Variants in DTNA observed in about 807,000 individuals in gnomAD.
DTNA encodes dystrobrevin alpha.
A neutral mutation model predicts 100.7 loss-of-function variants in DTNA; 43 were observed. The ratio of observed to expected loss-of-function variants is 0.43; its 90% CI spans 0.33 to 0.55. The LOEUF (loss-of-function observed/expected upper bound fraction) is 0.55. Ranked by LOEUF, DTNA falls within the 20% of genes least tolerant of loss-of-function variation. The pLI is 0.04. For synonymous variants in DTNA, 349 were observed against 347.9 expected (o/e 1.00, Z -0.04); for missense variants, 798 against 953.9 (o/e 0.84, Z 2.15).
At chr18:34,587,868 C>T (rs912195088) in intron 1 of DTNA, among the ~76,000 whole-genome samples, 4 of 152,090 alleles carry the variant, frequency 2.6e-5, no homozygotes, top group Non-Finnish European at 5.9e-5. Flanking sequence ...CTAGTTTCAG[C>T]GCTGAAAATC....
intron 1 of DTNA, among the ~76,000 whole-genome samples, chr18:34,696,651 T>G (rs1257565487): frequency 6.6e-6 from 1 of 152,180 alleles, no homozygotes; most frequent in Non-Finnish European, 1.5e-5. Flanking sequence ...ACCCACCTCA[T>G]GCACTGCCAT....
At chr18:34,606,298 A>C (rs985440569) in intron 1 of DTNA, among the ~76,000 whole-genome samples, 8 of 152,172 alleles carry the variant, frequency 5.3e-5, no homozygotes, top group Non-Finnish European at 1.2e-4. Flanking sequence ...GTTGTCTCTT[A>C]GCTCATATGA....
chr18:34,518,847 C>A (rs2469896), intron 1 of DTNA, among the ~76,000 whole-genome samples: 135,583 of 151,674 alleles, frequency 0.89, 60,654 homozygotes, highest in East Asian at 0.93. Flanking sequence ...GTACATATAG[C>A]AATATTTTCA....
At chr18:34,794,833 G>T (rs886679439) in intron 4 of DTNA, among the ~76,000 whole-genome samples, 2 of 152,166 alleles carry the variant, frequency 1.3e-5, no homozygotes, top group East Asian at 3.8e-4. Flanking sequence ...TAGAATCAGA[G>T]AATTTCAGGG....
intron 1 of DTNA, among the ~76,000 whole-genome samples, chr18:34,702,740 T>C (rs963064577): frequency 3.9e-5 from 6 of 152,182 alleles, no homozygotes; most frequent in African/African-American, 1.4e-4. Flanking sequence ...TTCCTCCACC[T>C]CTGTCTTCCA....
chr18:34,840,449 A>G (rs1250204276), intron 13 of DTNA, among the ~76,000 whole-genome samples: 1 of 150,722 alleles, frequency 6.6e-6, no homozygotes, highest in East Asian at 2.0e-4. Flanking sequence ...TTGTAAGACT[A>G]TGATGCGATC....
rs977004001 is a variant in DTNA at position 34,891,061 on chromosome 18, A to C, written c.*3327A>C. 4 of 152,476 alleles carry C rather than the reference A, an allele frequency of 2.6e-5. No homozygotes were observed. The highest frequency in any genetic ancestry group is 5.9e-5 in the Non-Finnish European group (4 of 68,002). The allele number at this position is 152,476 out of a possible 1,614,324, so 9.4% of individuals were successfully genotyped here. A position where few individuals can be genotyped will look rare whatever the true frequency, so the allele number is the denominator to read the frequency against. On this transcript the variant is annotated 3_prime_UTR_variant, in exon 23 of 23. Coordinates refer to ENST00000444659, the MANE Select transcript of DTNA (RefSeq NM_001386795.1). Reference sequence around the variant, plus strand: ...TGTCCTTAGAAGAAAGGGCATTTTTACTTTTGAACCAAAAAGAGAAAAAAA... The same window carrying C: ...TGTCCTTAGAAGAAAGGGCATTTTTCCTTTTGAACCAAAAAGAGAAAAAAA...
intron 11 of DTNA, among the ~76,000 whole-genome samples, chr18:34,830,271 C>T (rs1240381302): frequency 1.3e-5 from 2 of 151,954 alleles, no homozygotes; most frequent in African/African-American, 2.4e-5. Flanking sequence ...TAGGGCAGCA[C>T]CGAGAAAGTA....
intron 13 of DTNA, 124 bp downstream of exon 13, chr18:34,838,961 G>A: frequency 1.3e-6 from 1 of 784,534 alleles, no homozygotes; most frequent in Non-Finnish European, 2.2e-6. Context: ...ACTGTTAACT[G>A]GTTCAGTTAA....
chr18:34,619,549 A>T (rs1447672297), intron 1 of DTNA, among the ~76,000 whole-genome samples: 1 of 152,242 alleles, frequency 6.6e-6, no homozygotes, highest in East Asian at 1.9e-4. Flanking sequence ...TAGAATCAAC[A>T]TGATTTAAAG....
At chr18:34,505,434 G>A (rs928216291) in intron 1 of DTNA, among the ~76,000 whole-genome samples, 7 of 152,154 alleles carry the variant, frequency 4.6e-5, no homozygotes, top group Non-Finnish European at 1.0e-4. Context: ...AGCTTCCAGG[G>A]ATTGGAGCCA....
intron 18 of DTNA, among the ~76,000 whole-genome samples, chr18:34,876,317 A>G (rs2096817694): frequency 6.6e-6 from 1 of 152,236 alleles, no homozygotes; most frequent in African/African-American, 2.4e-5. Flanking sequence ...ATGTTTGAAT[A>G]TGGGTTTTAA....
At chr18:34,669,780 T>G (rs192376069) in intron 1 of DTNA, among the ~76,000 whole-genome samples, 2,233 of 152,328 alleles carry the variant, frequency 0.015, 59 homozygotes, top group African/African-American at 0.051. Context: ...CTTGTAGAGT[T>G]TCTGCAGAGA....
intron 17 of DTNA, among the ~76,000 whole-genome samples, chr18:34,869,487 GTT>G (rs937937060): frequency 1.8e-4 from 28 of 152,156 alleles, no homozygotes; most frequent in African/African-American, 6.8e-4. Context: ...AGTCCAGTAA[GTT>G]TATATTTTCC....
At chr18:34,818,543 G>C in intron 8 of DTNA, 1 of 1,432,346 alleles carries the variant, frequency 7.0e-7, no homozygotes, top group Non-Finnish European at 9.1e-7. Context: ...TTAAAATATA[G>C]GAAGACTCAA....
At chr18:34,838,295 A>T in intron 12 of DTNA, 124 bp downstream of exon 12, 9 of 990,034 alleles carry the variant, frequency 9.1e-6, no homozygotes, top group Non-Finnish European at 1.4e-5. Flanking sequence ...GCTCTGCTTT[A>T]ACCCAGTTAA....
chr18:34,571,452 C>A (rs1340583481), intron 1 of DTNA, among the ~76,000 whole-genome samples: 1 of 152,038 alleles, frequency 6.6e-6, no homozygotes, highest in Admixed American at 6.6e-5. Flanking sequence ...ATGAAATATT[C>A]TGAACAGACT....
chr18:34,638,953 A>G (rs1049657281), intron 1 of DTNA, among the ~76,000 whole-genome samples: 1 of 152,028 alleles, frequency 6.6e-6, no homozygotes, highest in African/African-American at 2.4e-5. Flanking sequence ...GTGATTCCCC[A>G]GCCTCAGCCT....
intron 1 of DTNA, among the ~76,000 whole-genome samples, chr18:34,676,814 G>T (rs2145316907): frequency 6.6e-6 from 1 of 152,324 alleles, no homozygotes; most frequent in Non-Finnish European, 1.5e-5. Context: ...CAGTATGGGT[G>T]AGAGAGCAAG....
Sources: allele counts gnomAD v4.1 joint callset (sites outside exome capture counted in the v4.1 genomes callset), GRCh38; gene constraint gnomAD v4.1.1; transcripts MANE v1.5; gene names NCBI Gene and HGNC (gene_info 2026-07-23, HGNC 2026-07-21).